LAMA1: variants seen among roughly 807,000 people sequenced by gnomAD.
LAMA1 encodes laminin subunit alpha-1.
LAMA1 carries 219 observed loss-of-function variants against 348.7 expected under a neutral mutation model. The ratio of observed to expected loss-of-function variants is 0.63; its 90% CI spans 0.56 to 0.70. The LOEUF is 0.70. Ranked by LOEUF, LAMA1 falls within the 30% of genes least tolerant of loss-of-function variation. The pLI, the probability that LAMA1 is intolerant of heterozygous loss-of-function variation, is 0.00. For synonymous variants in LAMA1, 1,487 were observed against 1,491.0 expected (o/e 1.00, Z 0.06); for missense variants, 3,744 against 3,888.0 (o/e 0.96, Z 0.99).
chr18:7,100,628 A>G (rs2058287696), intron 1 of LAMA1, among the ~76,000 whole-genome samples: 1 of 152,266 alleles, frequency 6.6e-6, no homozygotes. Flanking sequence ...ACACTGGAAT[A>G]CCATTCAGCA....
In LAMA1 at chr18:7,023,393, A is replaced by T. The variant is rs2057927502; in HGVS notation, c.2490-18T>A. 1 of 1,608,078 alleles carries T rather than the reference A, an allele frequency of 6.2e-7. No homozygotes were observed. The highest frequency in any genetic ancestry group is 1.7e-5 in the Admixed American group (1 of 60,010). ...CTGCACATCTGTATCAAAGATTGAA[A>T]GTGGGATCAGACAAATGCAGTTACT... On this transcript the variant is annotated intron_variant, in intron 18 of 62. Coordinates refer to ENST00000389658, the MANE Select transcript of LAMA1 (RefSeq NM_005559.4).
intron 1 of LAMA1, among the ~76,000 whole-genome samples, chr18:7,099,415 T>C (rs1041465065): frequency 6.6e-6 from 1 of 151,390 alleles, no homozygotes; most frequent in Admixed American, 6.6e-5. Context: ...ACTATTGTCC[T>C]ATGACCCTGC....
rs1051371214 is a variant in LAMA1, at chr18:7,036,048, T to C, written c.1778A>G (p.Tyr593Cys). ...FGGFLKYTVS[Y>C]DIPVETVDSN... ...GTCTACCGTCTCTACCGGAATATCG[T>C]AGGACACCGTGTATTTCAGGAATCC... The change falls in exon 13 of 63, where the codon TAC (tyrosine) becomes TGC (cysteine). Residue 593 changes from tyrosine (Y) to cysteine (C), a missense_variant. Physicochemically the swap from Tyr to Cys is radical, Grantham distance 194 (BLOSUM62 -2). This residue lies in a region of LAMA1 where 1,529 missense variants were observed against 1,689.4 expected (regional missense o/e 0.91). Coordinates refer to ENST00000389658, the MANE Select transcript of LAMA1 (RefSeq NM_005559.4). 3.1e-6 allele frequency: 5 copies of C among 1,614,216 alleles called. No homozygotes were observed. The East Asian group carries it at 6.7e-5, about 22-fold the overall frequency.
At chr18:7,073,472 C>G (rs148488591) in intron 3 of LAMA1, among the ~76,000 whole-genome samples, 136 of 152,316 alleles carry the variant, frequency 8.9e-4, no homozygotes, top group African/African-American at 2.9e-3. Flanking sequence ...TATGAACTGA[C>G]TTCTCCAGGT....
At chr18:7,031,466 A>G (rs947049810) in intron 16 of LAMA1, among the ~76,000 whole-genome samples, 6 of 152,196 alleles carry the variant, frequency 3.9e-5, no homozygotes, top group Non-Finnish European at 8.8e-5. Context: ...ACTATAAAGC[A>G]TGGTATATAA....
At chr18:6,997,612 C>T in intron 33 of LAMA1, 130 bp downstream of exon 33, 1 of 945,574 alleles carries the variant, frequency 1.1e-6, no homozygotes, top group Non-Finnish European at 1.7e-6. Flanking sequence ...TGGACACCTG[C>T]CCGCAGGGGC....
intron 3 of LAMA1, among the ~76,000 whole-genome samples, chr18:7,073,685 C>T (rs2058155115): frequency 6.6e-6 from 1 of 152,100 alleles, no homozygotes; most frequent in Non-Finnish European, 1.5e-5. Flanking sequence ...GGGTTGCTTC[C>T]ACCTCCTGGC....
Position 7,046,347 on chromosome 18 carries a change from G to A in LAMA1, c.789C>T (p.Asp263=). The part of the protein sequence containing the change: ...VTRRYYYSIK[D]ISVGGMCICY... ...AGATACACATGCCTCCAACAGAAAT[G>A]TCCTTTATTGAATAATAATACTAAG... Residue 263 remains aspartate, a synonymous_variant, in exon 6 of 63, where the codon GAC becomes GAT. Transcript: ENST00000389658. 6.2e-7 allele frequency: 1 copy of A among 1,603,922 alleles called. No individual in the cohort carries two copies. Among genetic ancestry groups the A allele is most frequent in the Non-Finnish European group, 8.5e-7 (1 of 1,172,568 alleles).
intron 10 of LAMA1, 126 bp from the exon 11 acceptor site, chr18:7,039,076 G>A (rs1353408784): frequency 1.2e-5 from 10 of 804,170 alleles, no homozygotes; most frequent in Non-Finnish European, 1.8e-5. Context: ...CAAAGTAAAG[G>A]TGAGGCCTCA....
rs143022454 is a variant in LAMA1, at chr18:7,036,046, C to T, written c.1780G>A (p.Asp594Asn). ...CTGTCTACCGTCTCTACCGGAATAT[C>T]GTAGGACACCGTGTATTTCAGGAAT... ...GGFLKYTVSY[D>N]IPVETVDSNL... The change falls in exon 13 of 63, where the codon GAT becomes AAT. Residue 594 changes from aspartate (D) to asparagine (N), a missense_variant. Asp to Asn is a conservative substitution (Grantham distance 23, BLOSUM62 1). This residue lies in a region of LAMA1 where 1,529 missense variants were observed against 1,689.4 expected (regional missense o/e 0.91). Coordinates refer to ENST00000389658, the MANE Select transcript of LAMA1 (RefSeq NM_005559.4). The T allele has an allele frequency of 5.6e-5, 91 of 1,614,186 alleles. No homozygotes were observed. In the African/African-American group the frequency reaches 9.9e-4, roughly 17 times the overall value.
chr18:6,949,013 AAC>A (rs1435252989), intron 59 of LAMA1, 86 bp downstream of exon 59: 5 of 1,525,872 alleles, frequency 3.3e-6, no homozygotes, highest in African/African-American at 1.4e-5. Context: ...AGGTAATTTA[AAC>A]ATAAAGATGC....
At chr18:6,996,265 A>G (rs576336827) in intron 33 of LAMA1, among the ~76,000 whole-genome samples, 2 of 152,234 alleles carry the variant, frequency 1.3e-5, no homozygotes, top group East Asian at 3.9e-4. Flanking sequence ...ACCACTGCAA[A>G]TCAAGACGGA....
chr18:7,028,833 C>T (rs960185607), intron 16 of LAMA1, among the ~76,000 whole-genome samples: 1 of 152,166 alleles, frequency 6.6e-6, no homozygotes, highest in Non-Finnish European at 1.5e-5. Context: ...CACTGACCCC[C>T]GGGCAGCTAC....
chr18:6,970,182 C>T (rs944091136), intron 48 of LAMA1, among the ~76,000 whole-genome samples: 3 of 152,154 alleles, frequency 2.0e-5, no homozygotes, highest in South Asian at 2.1e-4. Context: ...GCTCTTTCCA[C>T]TGAAGTTCCA....
In LAMA1 at chr18:7,023,157, C is replaced by A. The variant is rs2057925738; in HGVS notation, c.2701+7G>T. ...CAGCTGACCTGACTTCACGCTCACG[C>A]ACTCACCGCGGCAGTTCTTGGCTGT... On this transcript the variant is annotated splice_region_variant and intron_variant, in intron 19 of 62. Transcript: ENST00000389658. 6.2e-7 allele frequency: 1 copy of A among 1,611,198 alleles called. No individual in the cohort carries two copies. The highest frequency in any genetic ancestry group is 8.5e-7 in the Non-Finnish European group (1 of 1,179,386).
chr18:6,942,358 C>T (rs1335792256), intron 62 of LAMA1, 119 bp from the exon 63 acceptor site: 12 of 1,052,336 alleles, frequency 1.1e-5, no homozygotes, highest in Non-Finnish European at 1.6e-5. Flanking sequence ...TTTTCACTAT[C>T]AAAATTAGGA....
intron 52 of LAMA1, 35 bp from the exon 53 acceptor site, chr18:6,961,794 T>A: frequency 6.2e-7 from 1 of 1,613,054 alleles, no homozygotes; most frequent in Non-Finnish European, 8.5e-7. Context: ...CATGGTGAGT[T>A]CCTAGCTGCG....
rs889336018 is a variant in LAMA1, at chr18:7,034,529, T to C, written c.2001A>G (p.Thr667=). 1.2e-6 allele frequency: 2 copies of C among 1,614,054 alleles called. No homozygotes were observed. Among genetic ancestry groups the C allele is most frequent in the Non-Finnish European group, 8.5e-7 (1 of 1,180,044 alleles). Residue 667 remains threonine (T), a synonymous_variant, in exon 14 of 63, where the codon ACA becomes ACG. Transcript: ENST00000389658. ...DQLMTVLANV[T]HLLIRANYNS... ...TGTAGTTGGCTCTGATCAAAAGATG[T>C]GTCACATTGGCAAGGACAGTCATCA...
rs683733 is a variant in LAMA1, at chr18:6,956,739, C to T, written c.7991G>A (p.Gly2664Asp). The change falls in exon 56 of 63, where the codon GGC becomes GAC. Residue 2664 changes from glycine (G) to aspartate (D), a missense_variant. Physicochemically the swap from Gly to Asp is moderately conservative, Grantham distance 94. Around this residue, in one of 3 missense-constraint regions of LAMA1, gnomAD observed 1,983 missense variants for 1,934.3 expected, o/e 1.03. Coordinates refer to ENST00000389658, the MANE Select transcript of LAMA1 (RefSeq NM_005559.4). ...LELLDFNSAV[G>D]HEQVDLDTCW... ...GGTGTCCAGGTCGACTTGCTCATGGCCAACTGCACTGTTGAAATCCAAAAG... is the reference window on the plus strand; with the variant it reads ...GGTGTCCAGGTCGACTTGCTCATGGTCAACTGCACTGTTGAAATCCAAAAG... The T allele has an allele frequency of 1.2e-5, 20 of 1,614,034 alleles. No individual in the cohort carries two copies. Among genetic ancestry groups the T allele is most frequent in the Non-Finnish European group, 1.6e-5 (19 of 1,180,056 alleles).
Sources: allele counts gnomAD v4.1 joint callset (sites outside exome capture counted in the v4.1 genomes callset), GRCh38; gene constraint gnomAD v4.1.1; regional missense constraint gnomAD v4.1.1; transcripts MANE v1.5; gene names NCBI Gene and HGNC (gene_info 2026-07-23, HGNC 2026-07-21).